Variants in INTU observed in about 807,000 individuals in gnomAD.
INTU encodes the protein inturned planar cell polarity protein.
INTU carries 68 observed loss-of-function variants against 100.5 expected under a neutral mutation model. That is an observed-to-expected ratio of 0.68 (90% CI 0.56 to 0.83). The LOEUF is 0.83. INTU is among the 40% of genes least tolerant of loss of function. The pLI is 0.00. For missense variants in INTU, 1,071 were observed against 1,114.7 expected (o/e 0.96, Z 0.56); for synonymous variants, 357 against 395.7 (o/e 0.90, Z 1.16).
At chr4:127,681,627 G>T (rs56763029) in intron 6 of INTU, among the ~76,000 whole-genome samples, 4,600 of 151,914 alleles carry the variant, frequency 0.03, 289 homozygotes, top group East Asian at 0.26. Flanking sequence ...GACTTAAACG[G>T]TAGACCTAAA....
rs1385691917 is a variant in INTU, at chr4:127,722,042, T to G, written c.*5606T>G. 3 of 152,244 alleles carry G rather than the reference T, an allele frequency of 2.0e-5. No homozygotes were observed. Among genetic ancestry groups the G allele is most frequent in the African/African-American group, 7.2e-5 (3 of 41,460 alleles). 9.4% of individuals were successfully genotyped at this position (152,244 alleles called of 1,614,324 possible). On this transcript the variant is annotated 3_prime_UTR_variant, in exon 16 of 16. Coordinates refer to ENST00000335251, the MANE Select transcript of INTU (RefSeq NM_015693.4). ...CAATCTTTTGGAGGAGAAGAGGCAC[T>G]CTGGCTTTCTGAGTTTTCCGTATCC...
At chr4:127,706,356 A>AT in intron 11 of INTU, 131 bp from the exon 12 acceptor site, 1 of 751,374 alleles carries the variant, frequency 1.3e-6, no homozygotes, top group Non-Finnish European at 2.1e-6. Context: ...TGACGGAGGA[A>AT]TTTTTAATAA....
chr4:127,691,752 CT>C (rs1260599427), intron 8 of INTU, among the ~76,000 whole-genome samples: 4 of 151,734 alleles, frequency 2.6e-5, no homozygotes, highest in African/African-American at 9.7e-5. Flanking sequence ...ACCCCCTGCT[CT>C]TTCCCCCAAG....
At chr4:127,655,507 T>TA (rs1028361558) in intron 2 of INTU, among the ~76,000 whole-genome samples, 67 of 151,154 alleles carry the variant, frequency 4.4e-4, no homozygotes, top group African/African-American at 1.4e-3. Context: ...GTTCCCCTGC[T>TA]GGGGGGTGCC....
chr4:127,685,758 G>T (rs192744291), intron 7 of INTU: 1 of 214,676 alleles, frequency 4.7e-6, no homozygotes, highest in East Asian at 1.3e-4. Flanking sequence ...GATTATCAAA[G>T]ATTAAATTTT....
At chr4:127,682,382 A>G (rs1254318275) in intron 6 of INTU, among the ~76,000 whole-genome samples, 1 of 152,178 alleles carries the variant, frequency 6.6e-6, no homozygotes, top group Non-Finnish European at 1.5e-5. Context: ...AGACTGGATT[A>G]AGAAAATGTG....
intron 5 of INTU, among the ~76,000 whole-genome samples, chr4:127,669,845 T>A (rs1728845782): frequency 6.6e-6 from 1 of 151,830 alleles, no homozygotes; most frequent in African/African-American, 2.4e-5. Context: ...CTTGACACTA[T>A]AGAAATGCTA....
intron 14 of INTU, among the ~76,000 whole-genome samples, chr4:127,711,584 G>A (rs1236984534): frequency 6.6e-6 from 1 of 152,198 alleles, no homozygotes; most frequent in African/African-American, 2.4e-5. Context: ...CTGCACAGCA[G>A]GAGGTGAGTG....
Position 127,714,000 on chromosome 4 carries a change from C to T in INTU, c.2624C>T (p.Pro875Leu), listed in dbSNP as rs552020807. Residue 875 changes from proline (P) to leucine (L), a missense_variant, in exon 15 of 16, where the codon CCT becomes CTT. Coordinates refer to ENST00000335251, the MANE Select transcript of INTU (RefSeq NM_015693.4). ...DSAKSVSSLN[P>L]VKEHGVLFEC... Reference sequence around the variant, plus strand: ...GCAAAGTCAGTGTCTTCTCTTAACCCTGTTAAAGAACATGGTGTGTTGTTT... The same window carrying T: ...GCAAAGTCAGTGTCTTCTCTTAACCTTGTTAAAGAACATGGTGTGTTGTTT... 3.7e-6 allele frequency: 6 copies of T among 1,611,992 alleles called. No homozygotes were observed. The highest frequency in any genetic ancestry group is 1.7e-5 in the Admixed American group (1 of 59,942).
At chr4:127,695,834 T>C (rs1351453595) in intron 8 of INTU, among the ~76,000 whole-genome samples, 1 of 152,204 alleles carries the variant, frequency 6.6e-6, no homozygotes, top group Non-Finnish European at 1.5e-5. Context: ...AGGTTTTTTG[T>C]AGATATTCTT....
chr4:127,714,227 A>G (rs555177265), intron 15 of INTU, 134 bp downstream of exon 15: 1 of 561,168 alleles, frequency 1.8e-6, no homozygotes, highest in South Asian at 4.1e-5. Context: ...ATTTCATTTT[A>G]TTTGCTAAGT....
chr4:127,699,711 G>T (rs561436170), intron 8 of INTU, among the ~76,000 whole-genome samples: 1 of 152,264 alleles, frequency 6.6e-6, no homozygotes, highest in East Asian at 1.9e-4. Flanking sequence ...ACTATGCATT[G>T]AATACATGTG....
At chr4:127,660,546 A>G (rs987841882) in intron 3 of INTU, among the ~76,000 whole-genome samples, 6 of 152,204 alleles carry the variant, frequency 3.9e-5, no homozygotes, top group Non-Finnish European at 5.9e-5. Context: ...TGTGAAGAGG[A>G]TGGTAGCTAA....
At chr4:127,677,691 T>C (rs6534635) in intron 6 of INTU, among the ~76,000 whole-genome samples, 92,508 of 151,682 alleles carry the variant, frequency 0.61, 29,106 homozygotes, top group African/African-American at 0.76. Flanking sequence ...AAAAGCAGAG[T>C]GCCTCTCCTC....
At position 127,706,533 on chromosome 4, in the gene INTU, C is replaced by G; in HGVS notation, c.1835C>G (p.Ser612Cys). Residue 612 changes from serine to cysteine, a missense_variant, in exon 12 of 16, where the codon TCC becomes TGC. Physicochemically the swap from Ser to Cys is moderately radical, Grantham distance 112. Transcript: ENST00000335251. Reference sequence around the variant, plus strand: ...CTATTAGAAGCTGGAGGTTGCGCATCCAAAGCTATTGGGAGTCCTGGACCA... The same window carrying G: ...CTATTAGAAGCTGGAGGTTGCGCATGCAAAGCTATTGGGAGTCCTGGACCA... ...CVLLEAGGCA[S>C]KAIGSPGPDC... 1 of 1,613,792 alleles carries G rather than the reference C, an allele frequency of 6.2e-7. No homozygotes were observed. The highest frequency in any genetic ancestry group is 8.5e-7 in the Non-Finnish European group (1 of 1,179,808).
chr4:127,666,380 G>A (rs765389419), intron 4 of INTU, among the ~76,000 whole-genome samples: 4 of 151,972 alleles, frequency 2.6e-5, no homozygotes, highest in Non-Finnish European at 5.9e-5. Flanking sequence ...GTTATCTTTG[G>A]GAGTCTTGTC....
chr4:127,697,613 C>T (rs922272315), intron 8 of INTU, among the ~76,000 whole-genome samples: 2 of 152,048 alleles, frequency 1.3e-5, no homozygotes, highest in Non-Finnish European at 2.9e-5. Context: ...CCTCTAGGTT[C>T]ATCTGTGTTG....
chr4:127,704,329 A>G (rs775884153), intron 10 of INTU, 39 bp downstream of exon 10: 3 of 1,449,582 alleles, frequency 2.1e-6, no homozygotes, highest in Non-Finnish European at 2.9e-6. Flanking sequence ...CAGCTGCTGT[A>G]TAAAGAGAAC....
At chr4:127,674,365 C>T in intron 6 of INTU, 152 bp downstream of exon 6, 4 of 608,940 alleles carry the variant, frequency 6.6e-6, no homozygotes, top group Non-Finnish European at 1.1e-5. Flanking sequence ...TACCTGTGTT[C>T]GTTTGGTATG....
Sources: allele counts gnomAD v4.1 joint callset (sites outside exome capture counted in the v4.1 genomes callset), GRCh38; gene constraint gnomAD v4.1.1; transcripts MANE v1.5; gene names NCBI Gene and HGNC (gene_info 2026-07-23, HGNC 2026-07-21).